HDAC3: variants seen among roughly 807,000 people sequenced by gnomAD.
The protein encoded by HDAC3 is SMAP45.
A neutral mutation model predicts 62.3 loss-of-function variants in HDAC3; 21 were observed. The observed-to-expected ratio is 0.34, with a 90% CI of 0.24 to 0.49. The LOEUF (loss-of-function observed/expected upper bound fraction) is 0.49, where lower values mean the gene tolerates loss of function less well. Ranked by LOEUF, HDAC3 falls within the 20% of genes least tolerant of loss-of-function variation. The pLI is 0.99. For synonymous variants in HDAC3, 198 were observed against 206.5 expected, an observed-to-expected ratio of 0.96 and a Z score of 0.35; for missense variants, 270 against 556.9, an observed-to-expected ratio of 0.48 and a Z score of 5.19.
Position 141,629,768 on chromosome 5 carries a change from G to C in HDAC3, c.421-29C>G. ...TGGCAAGACAGTGGTCTCATAAAGA[G>C]AAGAGCAATTCCCCTCCCAGCTGCC... is the stretch of plus-strand genomic sequence containing the variant. On this transcript the variant is annotated intron_variant, in intron 5 of 14. Transcript: ENST00000305264. The surrounding 1 kb of genome is among the most constrained non-coding windows in gnomAD (Gnocchi z 5.3). The C allele has an allele frequency of 6.2e-7, 1 of 1,613,504 alleles. No individual in the cohort carries two copies. The highest frequency in any genetic ancestry group is 8.5e-7 in the Non-Finnish European group (1 of 1,179,488).
In HDAC3 at chr5:141,636,791, G is replaced by A. The variant is rs771279422; in HGVS notation, c.-1C>T. 8.1e-6 allele frequency: 13 copies of A among 1,604,860 alleles called. No homozygotes were observed. The highest frequency in any genetic ancestry group is 2.2e-5 in the South Asian group (2 of 89,932). On this transcript the variant is annotated 5_prime_UTR_variant, in exon 1 of 15. Transcript: ENST00000305264. ...AGAAATAGGCCACGGTCTTGGCCAT[G>A]GTGCCGGCGGGAGCAGGCCCCGCAC...
rs769511122 is a variant in HDAC3, at chr5:141,629,300, G to A, written c.483C>T (p.His161=). 2.5e-6 allele frequency: 4 copies of A among 1,614,064 alleles called. No individual in the cohort carries two copies. The highest frequency in any genetic ancestry group is 2.7e-5 in the African/African-American group (2 of 74,918). ...VIGILELLKY[H]PRVLYIDIDI... ...CAATGTCAATGTAGAGCACCCGAGG[G>A]TGGTACCTAGAGGGAAGCCAAAGCC... The change falls in exon 7 of 15, where the codon CAC becomes CAT. Residue 161 remains histidine (H), a synonymous_variant. Transcript: ENST00000305264. The surrounding 1 kb of genome is among the most constrained non-coding windows in gnomAD (Gnocchi z 5.3).
chr5:141,634,540 C>A (rs1253105033), intron 3 of HDAC3, among the ~76,000 whole-genome samples: 2 of 152,226 alleles, frequency 1.3e-5, no homozygotes. Context: ...CGTATACACT[C>A]TCATAATCTG....
chr5:141,634,621 T>A (rs948883503), intron 3 of HDAC3, among the ~76,000 whole-genome samples, 190 bp downstream of exon 3: 17 of 152,220 alleles, frequency 1.1e-4, no homozygotes, highest in Non-Finnish European at 2.9e-5. Flanking sequence ...CATCACTGCA[T>A]TCCCAGCACT....
At chr5:141,633,524 G>A (rs189426818) in intron 3 of HDAC3, among the ~76,000 whole-genome samples, 16 of 152,190 alleles carry the variant, frequency 1.1e-4, no homozygotes, top group South Asian at 2.1e-4. Context: ...TATAGATGAA[G>A]TAAGAGTGGC....
chr5:141,628,133 G>A lies in HDAC3; in HGVS notation c.746C>T (p.Pro249Leu). The A allele has an allele frequency of 6.2e-7, 1 of 1,614,108 alleles. No homozygotes were observed. Among genetic ancestry groups the A allele is most frequent in the Non-Finnish European group, 8.5e-7 (1 of 1,179,978 alleles). The change falls in exon 9 of 15, where the codon CCC (proline) becomes CTC (leucine). Residue 249 changes from proline to leucine, a missense_variant. Pro to Leu is a moderately conservative substitution (Grantham distance 98). This residue lies in a region of HDAC3 where 156 missense variants were observed against 383.9 expected (regional missense o/e 0.41). Coordinates refer to ENST00000305264, the MANE Select transcript of HDAC3 (RefSeq NM_003883.4). The surrounding 1 kb of genome is among the most constrained non-coding windows in gnomAD (Gnocchi z 4.7). ...TATTACCTGGAGCACAATGCACGTG[G>A]GTTGGTAGAAGTCCACTACCTGGTT... ...VINQVVDFYQ[P>L]TCIVLQCGAD... is the part of the protein sequence containing the mutation.
chr5:141,628,029 C>T lies in HDAC3; in HGVS notation c.766-72G>A. 1 of 1,600,858 alleles carries T rather than the reference C, an allele frequency of 6.2e-7. No individual in the cohort carries two copies. The highest frequency in any genetic ancestry group is 1.1e-5 in the South Asian group (1 of 90,812). ...AGAACATCACAGATACCCCTTCCACCACCAACCTAAAGAACCTCCTCTTCC... is the reference window on the plus strand; with the variant it reads ...AGAACATCACAGATACCCCTTCCACTACCAACCTAAAGAACCTCCTCTTCC... On this transcript the variant is annotated intron_variant, in intron 9 of 14. Coordinates refer to ENST00000305264, the MANE Select transcript of HDAC3 (RefSeq NM_003883.4). This position sits in a 1 kb window ranked among gnomAD's most constrained non-coding sequence, Gnocchi z 4.7.
At chr5:141,624,872 T>G (rs1328592601) in intron 14 of HDAC3, 1 of 207,954 alleles carries the variant, frequency 4.8e-6, no homozygotes, top group African/African-American at 2.4e-5. Context: ...TGAGTGTATA[T>G]GTGTTTGTTT....
At chr5:141,632,281 T>C (rs2099905340) in intron 3 of HDAC3, among the ~76,000 whole-genome samples, 1 of 152,222 alleles carries the variant, frequency 6.6e-6, no homozygotes, top group African/African-American at 2.4e-5. Flanking sequence ...CGCCTCGGCC[T>C]CCGAAAGTGC....
chr5:141,622,700 T>G (rs964305256), intron 14 of HDAC3, among the ~76,000 whole-genome samples: 1 of 152,186 alleles, frequency 6.6e-6, no homozygotes, highest in African/African-American at 2.4e-5. Flanking sequence ...GGAAAGGCCT[T>G]ATCTGCATGG....
In HDAC3 at chr5:141,628,992, G is replaced by A. The variant is rs41290605; in HGVS notation, c.610+181C>T. Among the ~76,000 whole-genome samples, 570 of 152,278 alleles carry A rather than the reference G, an allele frequency of 3.7e-3. 5 individuals carry two copies. The highest frequency in any genetic ancestry group is 0.011 in the Admixed American group (164 of 15,284). Reference sequence around the variant, plus strand: ...ACACAAATAGCAGTGAGTGTTCTGAGGGAAACAATGAGGCTGATGTAACAG... The same window carrying A: ...ACACAAATAGCAGTGAGTGTTCTGAAGGAAACAATGAGGCTGATGTAACAG... On this transcript the variant is annotated intron_variant, in intron 7 of 14. Coordinates refer to ENST00000305264, the MANE Select transcript of HDAC3 (RefSeq NM_003883.4). This position sits in a 1 kb window ranked among gnomAD's most constrained non-coding sequence, Gnocchi z 4.7.
At chr5:141,622,815 G>A (rs961406948) in intron 14 of HDAC3, among the ~76,000 whole-genome samples, 3 of 152,050 alleles carry the variant, frequency 2.0e-5, no homozygotes, top group African/African-American at 7.2e-5. Context: ...GTGACCTTCA[G>A]AAAGTTACTT....
rs943619941 is a variant in HDAC3 at position 141,628,489 on chromosome 5, A to C, written c.691+70T>G. 1.3e-5 allele frequency: 17 copies of C among 1,260,198 alleles called. No individual in the cohort carries two copies. The Admixed American group carries it at 2.9e-4, about 21-fold the overall frequency. The allele number at this position is 1,260,198 out of a possible 1,614,324, so 78.1% of individuals were successfully genotyped here. A position where few individuals can be genotyped will look rare whatever the true frequency, so the allele number is the denominator to read the frequency against. On this transcript the variant is annotated intron_variant, in intron 8 of 14. Transcript: ENST00000305264. The surrounding 1 kb of genome is among the most constrained non-coding windows in gnomAD (Gnocchi z 4.7). ...AACTGGCCCAACAGCAGACAATACC[A>C]GGCAGAAGAGGTTATTTCAAGGAGA...
At position 141,636,797 on chromosome 5, in the gene HDAC3, G is replaced by C. The variant is rs915611066; in HGVS notation, c.-7C>G. ...AGGCCACGGTCTTGGCCATGGTGCC[G>C]GCGGGAGCAGGCCCCGCACCTCCGC... On this transcript the variant is annotated 5_prime_UTR_variant, in exon 1 of 15. Coordinates refer to ENST00000305264, the MANE Select transcript of HDAC3 (RefSeq NM_003883.4). 1 of 1,600,100 alleles carries C rather than the reference G, an allele frequency of 6.2e-7. No individual in the cohort carries two copies. Among genetic ancestry groups the C allele is most frequent in the Non-Finnish European group, 8.5e-7 (1 of 1,172,488 alleles).
At chr5:141,630,209 A>T (rs748213265) in intron 3 of HDAC3, 84 bp from the exon 4 acceptor site, 24 of 1,280,094 alleles carry the variant, frequency 1.9e-5, no homozygotes, top group Admixed American at 1.2e-4. Flanking sequence ...AGATTCCTCC[A>T]ATCTCCATTT....
chr5:141,635,197 G>A (rs561601061), intron 2 of HDAC3: 5 of 427,782 alleles, frequency 1.2e-5, no homozygotes, highest in South Asian at 1.1e-4. Context: ...TCTCAACTTT[G>A]AGCCCTGATC....
At position 141,621,550 on chromosome 5, in the gene HDAC3, G is replaced by T; in HGVS notation, c.1218-13C>A. The T allele has an allele frequency of 6.2e-7, 1 of 1,609,888 alleles. No homozygotes were observed. Among genetic ancestry groups the T allele is most frequent in the Non-Finnish European group, 8.5e-7 (1 of 1,176,282 alleles). On this transcript the variant is annotated splice_polypyrimidine_tract_variant and intron_variant, in intron 14 of 14. Coordinates refer to ENST00000305264, the MANE Select transcript of HDAC3 (RefSeq NM_003883.4). ...GGGTGCCTCTGGCCTGCAAAGCAAG[G>T]GGAGAGAGGTCAGGATCTCACTCTA... is the stretch of plus-strand genomic sequence containing the variant.
intron 2 of HDAC3, 182 bp downstream of exon 2, chr5:141,636,366 T>C (rs1304869999): frequency 1.6e-6 from 1 of 624,304 alleles, no homozygotes; most frequent in Non-Finnish European, 2.9e-6. Flanking sequence ...GAAAGTACTT[T>C]CCATTAAGCA....
Position 141,626,301 on chromosome 5 carries a change from A to G in HDAC3, c.831-18T>C, listed in dbSNP as rs1224261859. The G allele has an allele frequency of 6.2e-7, 1 of 1,601,284 alleles. No individual in the cohort carries two copies. The highest frequency in any genetic ancestry group is 2.2e-5 in the East Asian group (1 of 44,816). ...CGCATTCCCTGTTAAAAGGAACCAG[A>G]GGAAGATGTGGAGGAGGTTATCAAA... On this transcript the variant is annotated intron_variant, in intron 10 of 14. Coordinates refer to ENST00000305264, the MANE Select transcript of HDAC3 (RefSeq NM_003883.4). The surrounding 1 kb of genome is among the most constrained non-coding windows in gnomAD (Gnocchi z 4.6).
Sources: allele counts gnomAD v4.1 joint callset (sites outside exome capture counted in the v4.1 genomes callset), GRCh38; gene constraint gnomAD v4.1.1; regional missense constraint gnomAD v4.1.1; non-coding constraint Gnocchi (gnomAD v3.1); transcripts MANE v1.5; gene names NCBI Gene and HGNC (gene_info 2026-07-23, HGNC 2026-07-21).